SEC14L6: variants seen among roughly 807,000 people sequenced by gnomAD.
The protein encoded by SEC14L6 is SEC14-like protein 6.
In SEC14L6, 40 loss-of-function variants were observed where a neutral mutation model predicts 54.1. The observed-to-expected ratio is 0.74, with a 90% CI of 0.57 to 0.96. SEC14L6 has a LOEUF of 0.96. SEC14L6 is among the 40% of genes least tolerant of loss of function. The pLI, the probability that SEC14L6 is intolerant of heterozygous loss-of-function variation, is 0.00. For synonymous variants in SEC14L6, 171 were observed against 198.4 expected (o/e 0.86, Z 1.16); for missense variants, 471 against 498.3 (o/e 0.95, Z 0.52).
rs767335252 is a variant in SEC14L6 at position 30,525,908 on chromosome 22, T to C, written c.689A>G (p.Lys230Arg). ...GGGCAGCTGGTCGGGGCTGATGAAT[T>C]TTGTCAGCTCCTGCTTCCAGTTGTC... ...LGDNWKQELT[K>R]FISPDQLPVE... Residue 230 changes from lysine to arginine, a missense_variant, in exon 9 of 12, where the codon AAA becomes AGA. Physicochemically the swap from Lys to Arg is conservative, Grantham distance 26. Coordinates refer to ENST00000402034, the MANE Select transcript of SEC14L6 (RefSeq NM_001193336.4). The C allele has an allele frequency of 3.7e-6, 6 of 1,611,706 alleles. No homozygotes were observed. The East Asian group carries it at 1.3e-4, about 36-fold the overall frequency.
At chr22:30,530,576 T>C (rs1936937051) in intron 6 of SEC14L6, among the ~76,000 whole-genome samples, 1 of 152,178 alleles carries the variant, frequency 6.6e-6, no homozygotes, top group Non-Finnish European at 1.5e-5. Flanking sequence ...AATACTCTTA[T>C]TTTGTAGAGA....
At chr22:30,543,855 T>C (rs1428443131) in intron 1 of SEC14L6, 19 of 1,521,156 alleles carry the variant, frequency 1.2e-5, no homozygotes, top group Admixed American at 1.7e-5. Flanking sequence ...ATATCACATA[T>C]GCGGACCTGA....
At chr22:30,543,317 TCCAAGTTCCA>T in intron 1 of SEC14L6, 1 of 1,572,984 alleles carries the variant, frequency 6.4e-7, no homozygotes, top group South Asian at 1.1e-5. Flanking sequence ...TCTGAGACTA[TCCAAGTTCCA>T]CCCACCTTGG....
chr22:30,525,648 C>G lies in SEC14L6; in HGVS notation c.874G>C (p.Val292Leu). The G allele has an allele frequency of 6.2e-7, 1 of 1,610,564 alleles. No homozygotes were observed. Among genetic ancestry groups the G allele is most frequent in the Non-Finnish European group, 8.5e-7 (1 of 1,178,576 alleles). ...RSVGRGSSLQ[V>L]ENEILFPGCV... ...CCCGGGAACAGGATCTCGTTCTCCA[C>G]CTGCAGGGAGGAGCCGCGGCCCACG... is the stretch of plus-strand genomic sequence containing the variant. The change falls in exon 10 of 12, where the codon GTG becomes CTG. Residue 292 changes from valine (V) to leucine (L), a missense_variant. By Grantham distance (32) the Val-to-Leu change is conservative (BLOSUM62 1). Transcript: ENST00000402034.
chr22:30,526,024 T>TGCTC (rs1936768806), intron 8 of SEC14L6, 92 bp from the exon 9 acceptor site: 2 of 1,454,574 alleles, frequency 1.4e-6, no homozygotes, highest in Non-Finnish European at 1.9e-6. Context: ...TTTGGCCAGC[T>TGCTC]GCTCTCCCTC....
intron 1 of SEC14L6, 103 bp downstream of exon 1, chr22:30,546,526 A>G: frequency 1.9e-6 from 2 of 1,080,768 alleles, no homozygotes; most frequent in Middle Eastern, 2.0e-4. Context: ...GAAGAGACCC[A>G]GAGCTGGAGA....
rs975759810 is a variant in SEC14L6 at position 30,529,156 on chromosome 22, C to T, written c.595G>A (p.Ala199Thr). Residue 199 changes from alanine to threonine, a missense_variant, in exon 8 of 12, where the codon GCC (alanine) becomes ACC (threonine). Physicochemically the swap from Ala to Thr is moderately conservative, Grantham distance 58 (BLOSUM62 0). Transcript: ENST00000402034. ...GACTTGACCAGGTTGAAGGCTACGG[C>T]GAATAGCTTGGGGGCTGAAACCAGG... Reference protein sequence around the residue: ...LIVVRAPKLFAVAFNLVKSYM... With the variant: ...LIVVRAPKLFTVAFNLVKSYM... 5.2e-6 allele frequency: 8 copies of T among 1,551,088 alleles called. No homozygotes were observed. The highest frequency in any genetic ancestry group is 2.7e-5 in the African/African-American group (2 of 72,966).
intron 8 of SEC14L6, among the ~76,000 whole-genome samples, 188 bp downstream of exon 8, chr22:30,528,899 C>A (rs1317436808): frequency 3.3e-5 from 5 of 152,078 alleles, no homozygotes; most frequent in Admixed American, 3.3e-4. Context: ...ATCTCTGAGA[C>A]CCTTCCTGGC....
chr22:30,544,237 C>T, intron 1 of SEC14L6: 1 of 554,546 alleles, frequency 1.8e-6, no homozygotes, highest in South Asian at 2.5e-5. Context: ...CTCCCCACCC[C>T]TCCTTGGCTC....
chr22:30,543,756 C>A, intron 1 of SEC14L6: 1 of 1,570,740 alleles, frequency 6.4e-7, no homozygotes, highest in Non-Finnish European at 8.8e-7. Flanking sequence ...TCGTCCGAAT[C>A]AGACAGAAGA....
intron 6 of SEC14L6, 30 bp from the exon 7 acceptor site, chr22:30,529,379 C>T (rs1319551065): frequency 3.9e-6 from 6 of 1,530,372 alleles, no homozygotes; most frequent in African/African-American, 2.8e-5. Flanking sequence ...AAGTGATGGG[C>T]GTCTGAACAC....
At chr22:30,544,287 C>T in intron 1 of SEC14L6, 1 of 471,498 alleles carries the variant, frequency 2.1e-6, no homozygotes, top group Non-Finnish European at 3.8e-6. Context: ...TTGCCACACA[C>T]CTGGAGGCTG....
At chr22:30,543,507 G>A (rs1273860414) in intron 1 of SEC14L6, 1 of 1,613,042 alleles carries the variant, frequency 6.2e-7, no homozygotes, top group South Asian at 1.1e-5. Flanking sequence ...ACAACTGGAT[G>A]AGCTGGCTCC....
chr22:30,534,050 A>G lies in SEC14L6; in HGVS notation c.131-11T>C. The stretch of plus-strand genomic sequence containing the variant: ...GGTCAAAGCTCCGAGCTGCAACAAG[A>G]GACAGGGTTATGGTTGTGGAATTCT... On this transcript the variant is annotated splice_polypyrimidine_tract_variant and intron_variant, in intron 2 of 11. Transcript: ENST00000402034. The G allele has an allele frequency of 1.3e-6, 2 of 1,550,896 alleles. No individual in the cohort carries two copies. The highest frequency in any genetic ancestry group is 1.7e-6 in the Non-Finnish European group (2 of 1,146,998).
In SEC14L6 at chr22:30,524,886, G is replaced by A. The variant is rs1348428207; in HGVS notation, c.*111C>T. 2 of 677,274 alleles carry A rather than the reference G, an allele frequency of 3.0e-6. No homozygotes were observed. Among genetic ancestry groups the A allele is most frequent in the Non-Finnish European group, 5.4e-6 (2 of 368,940 alleles). 42.0% of individuals were successfully genotyped at this position (677,274 alleles called of 1,614,324 possible). Reference sequence around the variant, plus strand: ...TGTGATGCATAGGCTGTGACCTGCTGTTGTAGAATCCCTGTTCCTGAGAGG... The same window carrying A: ...TGTGATGCATAGGCTGTGACCTGCTATTGTAGAATCCCTGTTCCTGAGAGG... On this transcript the variant is annotated 3_prime_UTR_variant, in exon 12 of 12. Coordinates refer to ENST00000402034, the MANE Select transcript of SEC14L6 (RefSeq NM_001193336.4).
In SEC14L6 at chr22:30,543,764, A is replaced by G. The variant is rs540529682; in HGVS notation, c.54+2865T>C. On this transcript the variant is annotated intron_variant, in intron 1 of 11. Transcript: ENST00000402034. ...CTCTACCTCGTCCGAATCAGACAGAAGAAAGCCCAGGGCTCCACTTCTTCT... is the reference window on the plus strand; with the variant it reads ...CTCTACCTCGTCCGAATCAGACAGAGGAAAGCCCAGGGCTCCACTTCTTCT... 1.2e-5 allele frequency: 18 copies of G among 1,559,982 alleles called. 1 individual carries two copies. The South Asian group carries it at 1.8e-4, about 15-fold the overall frequency.
At chr22:30,543,161 TG>T (rs780833507) in intron 1 of SEC14L6, 1 of 1,603,854 alleles carries the variant, frequency 6.2e-7, no homozygotes, top group East Asian at 2.2e-5. Flanking sequence ...CAGACCAACG[TG>T]GACCCCGCAA....
intron 1 of SEC14L6, among the ~76,000 whole-genome samples, chr22:30,542,066 G>A (rs573454184): frequency 6.6e-6 from 1 of 152,228 alleles, no homozygotes; most frequent in Admixed American, 6.5e-5. Context: ...CCGGTGGGCG[G>A]GGACGCCCGG....
intron 1 of SEC14L6, among the ~76,000 whole-genome samples, chr22:30,545,317 A>G (rs564862982): frequency 6.6e-6 from 1 of 152,370 alleles, no homozygotes; most frequent in East Asian, 1.9e-4. Context: ...AATTCTTAAA[A>G]TGTGGCTAGT....
Sources: allele counts gnomAD v4.1 joint callset (sites outside exome capture counted in the v4.1 genomes callset), GRCh38; gene constraint gnomAD v4.1.1; transcripts MANE v1.5; gene names NCBI Gene and HGNC (gene_info 2026-07-23, HGNC 2026-07-21).